The following ANKFN1 variants were observed in gnomAD, a reference collection of about 807,000 sequenced individuals.
ANKFN1 encodes the protein ankyrin repeat and fibronectin type-III domain-containing protein 1.
A neutral mutation model predicts 108.7 loss-of-function variants in ANKFN1; 74 were observed. That is an observed-to-expected ratio of 0.68 (90% CI 0.56 to 0.83). The LOEUF is 0.83. Ranked by LOEUF, ANKFN1 falls within the 40% of genes least tolerant of loss-of-function variation. ANKFN1 has a pLI of 0.00. For synonymous variants in ANKFN1, 547 were observed against 516.2 expected, an observed-to-expected ratio of 1.06 and a Z score of -0.81; for missense variants, 1,505 against 1,382.3, an observed-to-expected ratio of 1.09 and a Z score of -1.41.
At chr17:56,146,242 A>C (rs1007221070) in intron 4 of ANKFN1, among the ~76,000 whole-genome samples, 1 of 152,280 alleles carries the variant, frequency 6.6e-6, no homozygotes, top group Admixed American at 6.5e-5. Flanking sequence ...GCCCCCTCTC[A>C]GCTGCTTTCA....
intron 3 of ANKFN1, among the ~76,000 whole-genome samples, chr17:56,238,892 G>A (rs1451788639): frequency 6.6e-6 from 1 of 152,128 alleles, no homozygotes; most frequent in Non-Finnish European, 1.5e-5. Context: ...AGTGAGGGTA[G>A]GAAGTGGGAA....
At chr17:56,189,179 T>TTTTTTGTTTTTTTTTTTTTG (rs1912605795) in intron 1 of ANKFN1, among the ~76,000 whole-genome samples, 1 of 111,400 alleles carries the variant, frequency 9.0e-6, no homozygotes, top group Non-Finnish European at 1.7e-5. Flanking sequence ...ACTTTTTTTT[T>TTTTTTGTTTTTTTTTTTTTG]TTTTTTTTTG....
intron 8 of ANKFN1, among the ~76,000 whole-genome samples, chr17:56,417,076 T>A (rs572283319): frequency 1.3e-3 from 189 of 150,354 alleles, no homozygotes; most frequent in African/African-American, 4.4e-3. Context: ...TAGTGGGAGG[T>A]TGGGGGGAAT....
intron 6 of ANKFN1, among the ~76,000 whole-genome samples, chr17:56,372,433 T>C (rs2046834382): frequency 6.6e-6 from 1 of 152,292 alleles, no homozygotes; most frequent in South Asian, 2.1e-4. Context: ...AATGGGAATA[T>C]ATTAATGTGA....
chr17:56,102,106 A>C (rs949241858), intron 4 of ANKFN1, among the ~76,000 whole-genome samples: 79 of 152,224 alleles, frequency 5.2e-4, no homozygotes, highest in Admixed American at 3.3e-4. Flanking sequence ...TTCAAACTCC[A>C]TATACTAGTG....
chr17:56,471,449 C>A (rs1462276859), intron 15 of ANKFN1: 1 of 152,182 alleles, frequency 6.6e-6, no homozygotes, highest in African/African-American at 2.4e-5. Flanking sequence ...TGCTTTTTTT[C>A]CAGCACATTC....
intron 4 of ANKFN1, among the ~76,000 whole-genome samples, chr17:56,063,040 G>A (rs549488181): frequency 3.9e-5 from 6 of 152,244 alleles, no homozygotes; most frequent in Admixed American, 6.5e-5. Context: ...CTTTAAGAAC[G>A]TTGAATATTG....
At chr17:56,184,479 C>G (rs1275289790) in intron 1 of ANKFN1, among the ~76,000 whole-genome samples, 1 of 152,132 alleles carries the variant, frequency 6.6e-6, no homozygotes, top group Non-Finnish European at 1.5e-5. Context: ...TTTATATGCA[C>G]TGGGAAACAA....
At chr17:56,126,092 G>A (rs1478034648) in intron 4 of ANKFN1, among the ~76,000 whole-genome samples, 1 of 152,190 alleles carries the variant, frequency 6.6e-6, no homozygotes, top group Non-Finnish European at 1.5e-5. Context: ...GGACTGTTCT[G>A]TGGGCCAAGG....
chr17:56,184,561 G>A (rs980310102), intron 1 of ANKFN1, among the ~76,000 whole-genome samples: 1 of 152,048 alleles, frequency 6.6e-6, no homozygotes, highest in Non-Finnish European at 1.5e-5. Context: ...CCCAAGGTAG[G>A]CCTGTTTCCT....
At chr17:56,386,245 C>T (rs1265961115) in intron 8 of ANKFN1, among the ~76,000 whole-genome samples, 1 of 151,852 alleles carries the variant, frequency 6.6e-6, no homozygotes, top group Non-Finnish European at 1.5e-5. Flanking sequence ...ACCATATGTT[C>T]TCACTCATAG....
intron 4 of ANKFN1, among the ~76,000 whole-genome samples, chr17:56,343,665 G>A (rs956645747): frequency 5.9e-5 from 9 of 151,714 alleles, no homozygotes; most frequent in African/African-American, 2.2e-4. Context: ...TCTTCAAATA[G>A]CCTTTCTATA....
chr17:56,183,370 T>A (rs2143640141), intron 1 of ANKFN1, among the ~76,000 whole-genome samples: 1 of 152,238 alleles, frequency 6.6e-6, no homozygotes, highest in East Asian at 1.9e-4. Flanking sequence ...AGTGATATAG[T>A]TTGGATGTTT....
intron 1 of ANKFN1, among the ~76,000 whole-genome samples, chr17:56,194,310 C>G (rs376476779): frequency 2.6e-5 from 4 of 152,258 alleles, no homozygotes. Flanking sequence ...AAAACCTGCA[C>G]ATTGATTTTT....
intron 4 of ANKFN1, among the ~76,000 whole-genome samples, chr17:56,138,805 C>A (rs1354552958): frequency 1.3e-5 from 2 of 152,012 alleles, no homozygotes; most frequent in Non-Finnish European, 2.9e-5. Flanking sequence ...GCCACTGCAC[C>A]CAGCCACAAC....
intron 4 of ANKFN1, among the ~76,000 whole-genome samples, chr17:56,127,913 C>T (rs1907033602): frequency 6.6e-6 from 1 of 152,212 alleles, no homozygotes; most frequent in Non-Finnish European, 1.5e-5. Context: ...AAGATCCTTG[C>T]TTGTTTTCCT....
intron 4 of ANKFN1, among the ~76,000 whole-genome samples, chr17:56,104,010 A>T (rs1315835209): frequency 6.6e-6 from 1 of 152,214 alleles, no homozygotes; most frequent in African/African-American, 2.4e-5. Flanking sequence ...ATATTCTCTG[A>T]TGTGGCTCCA....
intron 1 of ANKFN1, among the ~76,000 whole-genome samples, chr17:56,212,374 T>C (rs1481944416): frequency 1.3e-5 from 2 of 152,170 alleles, no homozygotes; most frequent in Admixed American, 1.3e-4. Flanking sequence ...CATCCCTGCA[T>C]CCCTGGTATG....
intron 4 of ANKFN1, among the ~76,000 whole-genome samples, chr17:56,349,960 C>T (rs1212904380): frequency 6.6e-6 from 1 of 152,092 alleles, no homozygotes; most frequent in Non-Finnish European, 1.5e-5. Context: ...CAGCCAGAGT[C>T]TTGATAGCAT....
Sources: allele counts gnomAD v4.1 joint callset (sites outside exome capture counted in the v4.1 genomes callset), GRCh38; gene constraint gnomAD v4.1.1; transcripts MANE v1.5; gene names NCBI Gene and HGNC (gene_info 2026-07-23, HGNC 2026-07-21).